FSD1L: variants seen among roughly 807,000 people sequenced by gnomAD.
FSD1L encodes the protein fibronectin type III and SPRY domain containing 1 like.
FSD1L carries 45 observed loss-of-function variants against 71.6 expected under a neutral mutation model. That is an observed-to-expected ratio of 0.63 (90% CI 0.49 to 0.81). FSD1L has a LOEUF of 0.81. FSD1L is among the 30% of genes least tolerant of loss of function. The probability of loss-of-function intolerance (pLI) is 0.00; values close to 1 mark genes in which losing one functional copy is unlikely to be tolerated. For synonymous variants in FSD1L, 197 were observed against 207.2 expected (o/e 0.95, Z 0.42); for missense variants, 561 against 618.1 (o/e 0.91, Z 0.98).
At chr9:105,465,875 C>CTTT (rs369033551) in intron 3 of FSD1L, among the ~76,000 whole-genome samples, 3 of 144,380 alleles carry the variant, frequency 2.1e-5, no homozygotes, top group African/African-American at 7.6e-5. Context: ...ACTCTCACCA[C>CTTT]TTTTTTTTTT....
chr9:105,449,523 A>T (rs1451423435), intron 1 of FSD1L, among the ~76,000 whole-genome samples: 1 of 152,218 alleles, frequency 6.6e-6, no homozygotes, highest in African/African-American at 2.4e-5. Context: ...GGGTTCCAGG[A>T]TGCTATTTAC....
chr9:105,483,363 C>A (rs1378509216), intron 6 of FSD1L, among the ~76,000 whole-genome samples: 4 of 152,126 alleles, frequency 2.6e-5, no homozygotes, highest in African/African-American at 9.7e-5. Context: ...GTAGATTTGG[C>A]AGATCCAATT....
intron 10 of FSD1L, chr9:105,523,479 A>C (rs1037278155): frequency 6.2e-7 from 1 of 1,613,084 alleles, no homozygotes; most frequent in Non-Finnish European, 8.5e-7. Flanking sequence ...GGGAGATGTA[A>C]ATTCAATCAT....
chr9:105,534,960 G>C lies in FSD1L; in HGVS notation c.1127-107G>C, dbSNP rs1836171667. 1.4e-5 allele frequency: 14 copies of C among 1,027,708 alleles called. No individual in the cohort carries two copies. The South Asian group carries it at 2.1e-4, about 15-fold the overall frequency. 63.7% of individuals were successfully genotyped at this position (1,027,708 alleles called of 1,614,324 possible). On this transcript the variant is annotated intron_variant, in intron 11 of 13. Transcript: ENST00000481272. ...TAACATGATTATTCTTATAGGAAAAGTACTTGAATAAAAATTTTTGTGTCT... is the reference window on the plus strand; with the variant it reads ...TAACATGATTATTCTTATAGGAAAACTACTTGAATAAAAATTTTTGTGTCT...
At chr9:105,484,103 A>G (rs1832379946) in intron 6 of FSD1L, among the ~76,000 whole-genome samples, 1 of 152,122 alleles carries the variant, frequency 6.6e-6, no homozygotes, top group Non-Finnish European at 1.5e-5. Flanking sequence ...GATTATTTTT[A>G]TTGGATATTT....
chr9:105,446,711 CTTTT>C (rs59960095), upstream of FSD1L, among the ~76,000 whole-genome samples: 7 of 139,086 alleles, frequency 5.0e-5, no homozygotes, highest in Non-Finnish European at 7.7e-5. Context: ...AGCACGTTAA[CTTTT>C]TTTTTTTTTT....
rs1294483136 is a variant in FSD1L, at chr9:105,549,768, C to T, written c.*3285C>T. On this transcript the variant is annotated 3_prime_UTR_variant, in exon 14 of 14. Transcript: ENST00000481272. ...AATGTAATGGAATCTTTTAATTAGG[C>T]TAAGATATGCTATTTCATAACTTAT... 1 of 151,870 alleles carries T rather than the reference C, an allele frequency of 6.6e-6. No homozygotes were observed. Among genetic ancestry groups the T allele is most frequent in the Non-Finnish European group, 1.5e-5 (1 of 67,880 alleles). 9.4% of individuals were successfully genotyped at this position (151,870 alleles called of 1,614,324 possible).
Position 105,534,523 on chromosome 9 carries a change from T to C in FSD1L, c.1056T>C (p.Ser352=), listed in dbSNP as rs1273976626. The change falls in exon 11 of 14, where the codon TCT becomes TCC. Residue 352 remains serine (S), a synonymous_variant. Coordinates refer to ENST00000481272, the MANE Select transcript of FSD1L (RefSeq NM_001145313.3). ...RSGTPSPKRT[S]VGSRPPAVRG... Reference sequence around the variant, plus strand: ...GTACACCATCCCCAAAACGAACATCTGTAGGCTCCAGGCCACCAGCAGTAA... The same window carrying C: ...GTACACCATCCCCAAAACGAACATCCGTAGGCTCCAGGCCACCAGCAGTAA... 9 of 1,550,758 alleles carry C rather than the reference T, an allele frequency of 5.8e-6. No individual in the cohort carries two copies. Among genetic ancestry groups the C allele is most frequent in the Middle Eastern group, 1.7e-4 (1 of 5,994 alleles).
chr9:105,544,800 A>T (rs1160474292), intron 13 of FSD1L, among the ~76,000 whole-genome samples: 6 of 152,164 alleles, frequency 3.9e-5, no homozygotes, highest in African/African-American at 1.4e-4. Context: ...CTGTTTTGGT[A>T]CCAGTACCAT....
chr9:105,471,731 T>C (rs1005168718), intron 4 of FSD1L, among the ~76,000 whole-genome samples, 173 bp from the exon 5 acceptor site: 2 of 144,752 alleles, frequency 1.4e-5, no homozygotes, highest in Non-Finnish European at 3.0e-5. Context: ...GTTTTATATA[T>C]ATATATATAT....
intron 6 of FSD1L, 141 bp downstream of exon 6, chr9:105,479,517 A>G (rs1832032061): frequency 1.5e-6 from 1 of 676,174 alleles, no homozygotes; most frequent in Admixed American, 3.0e-5. Flanking sequence ...TCCTCTGTGT[A>G]TTTTCTTGGA....
At chr9:105,508,928 A>G (rs1296062336) in intron 9 of FSD1L, among the ~76,000 whole-genome samples, 2 of 152,228 alleles carry the variant, frequency 1.3e-5, no homozygotes, top group African/African-American at 4.8e-5. Flanking sequence ...TACAGATAAA[A>G]TAGACTGAGA....
intron 12 of FSD1L, among the ~76,000 whole-genome samples, chr9:105,535,942 A>G (rs560517681): frequency 2.0e-5 from 3 of 152,360 alleles, no homozygotes; most frequent in Admixed American, 6.5e-5. Context: ...GTCTTTAAAA[A>G]TATTCTTCAG....
At chr9:105,520,685 C>G in intron 10 of FSD1L, 1 of 1,613,362 alleles carries the variant, frequency 6.2e-7, no homozygotes, top group Non-Finnish European at 8.5e-7. Context: ...ATAACTGTAG[C>G]AAAGAACAGC....
chr9:105,524,500 C>G (rs1835382201), intron 10 of FSD1L: 2 of 1,613,726 alleles, frequency 1.2e-6, no homozygotes, highest in Non-Finnish European at 8.5e-7. Flanking sequence ...GCTACGGGAG[C>G]AGAAAGCGAT....
intron 7 of FSD1L, among the ~76,000 whole-genome samples, chr9:105,496,465 T>C (rs1833412521): frequency 6.6e-6 from 1 of 152,210 alleles, no homozygotes; most frequent in East Asian, 1.9e-4. Flanking sequence ...TTGCAATCAA[T>C]CTGTAGGTCA....
chr9:105,461,725 T>C (rs1830712064), intron 2 of FSD1L, 110 bp downstream of exon 2: 2 of 657,462 alleles, frequency 3.0e-6, no homozygotes, highest in East Asian at 2.8e-5. Flanking sequence ...ATTAAAAAGG[T>C]AGGCTTTAGC....
intron 13 of FSD1L, among the ~76,000 whole-genome samples, chr9:105,542,458 T>C: frequency 6.6e-6 from 1 of 152,138 alleles, no homozygotes; most frequent in South Asian, 2.1e-4. Context: ...ATTTTTTTAT[T>C]TTACTTTATT....
At chr9:105,456,089 A>T (rs923398306) in intron 1 of FSD1L, among the ~76,000 whole-genome samples, 2 of 152,130 alleles carry the variant, frequency 1.3e-5, no homozygotes, top group African/African-American at 4.8e-5. Flanking sequence ...AGGTTTCCAG[A>T]TTGTTGATCA....
Sources: allele counts gnomAD v4.1 joint callset (sites outside exome capture counted in the v4.1 genomes callset), GRCh38; gene constraint gnomAD v4.1.1; transcripts MANE v1.5; gene names NCBI Gene and HGNC (gene_info 2026-07-23, HGNC 2026-07-21).